The following POTEF variants were observed in gnomAD, a reference collection of about 807,000 sequenced individuals.
POTEF encodes the protein POTE ankyrin domain family member F.
In POTEF, 20 loss-of-function variants were observed where a neutral mutation model predicts 83.2. The ratio of observed to expected loss-of-function variants is 0.24; its 90% CI spans 0.17 to 0.35. POTEF has a LOEUF of 0.35. Ranked by LOEUF, POTEF falls within the 10% of genes least tolerant of loss-of-function variation. POTEF has a pLI of 1.00. For synonymous variants in POTEF, 196 were observed against 446.4 expected, an observed-to-expected ratio of 0.44 and a Z score of 7.07; for missense variants, 550 against 1,203.2, an observed-to-expected ratio of 0.46 and a Z score of 8.03.
intron 8 of POTEF, 124 bp downstream of exon 8, chr2:130,107,885 A>C (rs564235127): frequency 1.2e-6 from 1 of 840,868 alleles, no homozygotes; most frequent in Non-Finnish European, 1.8e-6. Context: ...ACATGATTGA[A>C]TAATCCTGAA....
intron 2 of POTEF, among the ~76,000 whole-genome samples, chr2:130,122,601 T>C (rs1685022544): frequency 6.6e-6 from 1 of 150,894 alleles, no homozygotes. Flanking sequence ...TGACAGCGGT[T>C]GCATTTAATC....
intron 4 of POTEF, 75 bp from the exon 5 acceptor site, chr2:130,115,129 G>C: frequency 6.2e-7 from 1 of 1,610,250 alleles, no homozygotes; most frequent in South Asian, 1.1e-5. Context: ...TCACCAACTA[G>C]TTATATTTAA....
chr2:130,103,552 T>C (rs1684431741), intron 8 of POTEF, among the ~76,000 whole-genome samples: 4 of 136,776 alleles, frequency 2.9e-5, no homozygotes, highest in South Asian at 4.8e-4. Context: ...ACATTATTCC[T>C]CCACATGTCT....
At chr2:130,103,102 C>CTTTT (rs60152509) in intron 8 of POTEF, among the ~76,000 whole-genome samples, 7 of 126,452 alleles carry the variant, frequency 5.5e-5, no homozygotes, top group African/African-American at 1.7e-4. Flanking sequence ...TTCTTTCTTT[C>CTTTT]TTTTTTTTTT....
At chr2:130,128,971 C>G (rs1685171774) in intron 1 of POTEF, 101 bp downstream of exon 1, 1 of 114,610 alleles carries the variant, frequency 8.7e-6, no homozygotes, top group Non-Finnish European at 1.8e-5. Context: ...GTGCCCCCAA[C>G]CAGCCCCCTG....
intron 6 of POTEF, among the ~76,000 whole-genome samples, chr2:130,111,534 C>T (rs1041798409): frequency 2.6e-5 from 4 of 151,672 alleles, no homozygotes; most frequent in African/African-American, 9.8e-5. Context: ...CACTAATATT[C>T]TTCAAAGAAA....
chr2:130,108,393 C>T (rs1366130107), intron 7 of POTEF, among the ~76,000 whole-genome samples: 1 of 152,072 alleles, frequency 6.6e-6, no homozygotes, highest in East Asian at 1.9e-4. Context: ...GCTATTTGTT[C>T]TTGGACAACT....
intron 2 of POTEF, among the ~76,000 whole-genome samples, chr2:130,121,125 G>C (rs949654820): frequency 2.0e-5 from 3 of 150,782 alleles, no homozygotes; most frequent in Non-Finnish European, 4.4e-5. Context: ...TGCGCGCGGC[G>C]TGCGCGTGCG....
chr2:130,122,643 G>A (rs1363413190), intron 2 of POTEF, among the ~76,000 whole-genome samples: 3 of 151,348 alleles, frequency 2.0e-5, no homozygotes, highest in Non-Finnish European at 4.4e-5. Context: ...TTGAAATTTT[G>A]ACAATATTAA....
At chr2:130,119,023 T>A (rs1480364633) in intron 3 of POTEF, among the ~76,000 whole-genome samples, 1 of 151,952 alleles carries the variant, frequency 6.6e-6, no homozygotes, top group Non-Finnish European at 1.5e-5. Flanking sequence ...TTTTGATATC[T>A]GGAAAAGCAG....
rs966591928 is a variant in POTEF, at chr2:130,118,951, T to C, written c.521+1044A>G. Among the ~76,000 whole-genome samples, 69 of 151,306 alleles carry C rather than the reference T, an allele frequency of 4.6e-4. 1 individual carries two copies. Among genetic ancestry groups the C allele is most frequent in the African/African-American group, 1.6e-3 (67 of 41,100 alleles). Reference sequence around the variant, plus strand: ...GGTATTTCTAAATTTCCTATTCTGTTGTATTCATTGATGTCTTTTCAGCTG... The same window carrying C: ...GGTATTTCTAAATTTCCTATTCTGTCGTATTCATTGATGTCTTTTCAGCTG... On this transcript the variant is annotated intron_variant, in intron 3 of 16. Transcript: ENST00000409914.
Position 130,127,186 on chromosome 2 carries a change from G to A in POTEF, c.-94+523C>T, listed in dbSNP as rs577053968. On this transcript the variant is annotated intron_variant, in intron 2 of 16. Transcript: ENST00000409914. The stretch of plus-strand genomic sequence containing the variant: ...AATACAAAAATAAAATTGGCTGGGC[G>A]TGGTGGCAGGCGCCTGTAGTCCCAG... Among the ~76,000 whole-genome samples, 791 of 150,980 alleles carry A rather than the reference G, an allele frequency of 5.2e-3. 15 individuals carry two copies. Among genetic ancestry groups the A allele is most frequent in the African/African-American group, 0.018 (740 of 40,698 alleles).
intron 7 of POTEF, among the ~76,000 whole-genome samples, chr2:130,110,211 C>T (rs1001076804): frequency 6.6e-6 from 1 of 151,532 alleles, no homozygotes; most frequent in African/African-American, 2.4e-5. Context: ...CTGGACATTT[C>T]AAGACCCAAA....
In POTEF at chr2:130,107,690, T is replaced by C. The variant is rs553077156; in HGVS notation, c.1126+319A>G. On this transcript the variant is annotated intron_variant, in intron 8 of 16. Transcript: ENST00000409914. ...CTGCCCATCTGAGGGATCTAGGTTG[T>C]GTGCTTCGTATGAGAATCTAATGCC... is the stretch of plus-strand genomic sequence containing the variant. 5.6e-3 allele frequency: 2,007 copies of C among 359,786 alleles called. 39 individuals carry two copies. Among genetic ancestry groups the C allele is most frequent in the Middle Eastern group, 0.031 (34 of 1,094 alleles). The allele number at this position is 359,786 out of a possible 1,614,324, so 22.3% of individuals were successfully genotyped here. A position where few individuals can be genotyped will look rare whatever the true frequency, so the allele number is the denominator to read the frequency against.
In POTEF at chr2:130,111,078, GTAA is replaced by G. The variant is rs1364587019; in HGVS notation, c.918-401_918-399del. ...AAGAGCTCTCTGCATGCTCAAAGCA[GTAA>G]TAATAATGGTAAGAATAGTAGTCAT... is the stretch of plus-strand genomic sequence containing the variant. On this transcript the variant is annotated intron_variant, in intron 6 of 16. Coordinates refer to ENST00000409914, the MANE Select transcript of POTEF (RefSeq NM_001099771.2). 7.6e-5 allele frequency among the ~76,000 whole-genome samples: 11 copies of G among 144,630 alleles called. No individual in the cohort carries two copies. The East Asian group carries it at 2.0e-3, about 26-fold the overall frequency. 94.9% of individuals were successfully genotyped at this position (144,630 alleles called of 152,430 possible).
rs771263355 is a variant in POTEF at position 130,075,498 on chromosome 2, T to C, written c.1974A>G (p.Leu658=). ...GTTTCATTGTGTCTAGCTCCAGTCT[T>C]AGCATGGCAATTTCTTCCCGCAACG... ...NSTLREEIAM[L]RLELDTMKHQ... is the part of the protein sequence containing the mutation. Residue 658 remains leucine (L), a synonymous_variant, in exon 17 of 17, where the codon CTA becomes CTG. Transcript: ENST00000409914. 5 of 1,611,256 alleles carry C rather than the reference T, an allele frequency of 3.1e-6. No individual in the cohort carries two copies. The African/African-American group carries it at 5.4e-5, about 17-fold the overall frequency.
chr2:130,121,113 T>TGCGCGCGAGGC (rs1370481765), intron 2 of POTEF, among the ~76,000 whole-genome samples: 3 of 151,310 alleles, frequency 2.0e-5, no homozygotes, highest in South Asian at 2.1e-4. Flanking sequence ...CTGCCGGGCG[T>TGCGCGCGAGGC]GTGCGCGCGG....
rs1424625269 is a variant in POTEF at position 130,101,519 on chromosome 2, G to GA, written c.1197+590dup. On this transcript the variant is annotated intron_variant, in intron 9 of 16. Coordinates refer to ENST00000409914, the MANE Select transcript of POTEF (RefSeq NM_001099771.2). The stretch of plus-strand genomic sequence containing the variant: ...GCTTTTATGACCTGGTTCCCTCCCT[G>GA]AACAGAAACGCTGAGGTCAACGAGA... Among the ~76,000 whole-genome samples, 4 of 149,522 alleles carry GA rather than the reference G, an allele frequency of 2.7e-5. 1 individual carries two copies. Among genetic ancestry groups the GA allele is most frequent in the African/African-American group, 1.0e-4 (4 of 39,238 alleles).
In POTEF at chr2:130,108,256, G is replaced by C. The variant is rs545500069; in HGVS notation, c.1056-177C>G. 8.6e-5 allele frequency among the ~76,000 whole-genome samples: 13 copies of C among 151,214 alleles called. No homozygotes were observed. In the East Asian group the frequency reaches 2.1e-3, roughly 25 times the overall value. On this transcript the variant is annotated intron_variant, in intron 7 of 16. Transcript: ENST00000409914. ...ACTTCTCTTTAAGCTTCTAATTAAA[G>C]AAGAAAAAAATGTAAGGTGAAATAG...
Sources: allele counts gnomAD v4.1 joint callset (sites outside exome capture counted in the v4.1 genomes callset), GRCh38; gene constraint gnomAD v4.1.1; transcripts MANE v1.5; gene names NCBI Gene and HGNC (gene_info 2026-07-23, HGNC 2026-07-21).